KCND3: variants seen among roughly 807,000 people sequenced by gnomAD.
KCND3 encodes potassium voltage-gated channel subfamily D member 3.
Under a neutral mutation model 51.1 loss-of-function variants are expected in KCND3, and 9 were observed. The ratio of observed to expected loss-of-function variants is 0.18; its 90% confidence interval spans 0.11 to 0.31. KCND3 has a LOEUF of 0.31. KCND3 is among the 10% of genes least tolerant of loss of function. The pLI is 1.00. For synonymous variants in KCND3, 349 were observed against 368.0 expected, an observed-to-expected ratio of 0.95 and a Z score of 0.59; for missense variants, 526 against 903.8, an observed-to-expected ratio of 0.58 and a Z score of 5.36.
intron 2 of KCND3, among the ~76,000 whole-genome samples, chr1:111,933,623 C>T (rs1319724183): frequency 6.6e-6 from 1 of 152,122 alleles, no homozygotes; most frequent in African/African-American, 2.4e-5. Context: ...AGAAGCAGGA[C>T]CAAATCAAGA....
intron 2 of KCND3, among the ~76,000 whole-genome samples, chr1:111,826,600 T>C (rs968415287): frequency 6.6e-6 from 1 of 152,154 alleles, no homozygotes; most frequent in African/African-American, 2.4e-5. Flanking sequence ...TTAATGCTTA[T>C]TTGGGTCAAG....
At chr1:111,931,943 T>C (rs914386781) in intron 2 of KCND3, among the ~76,000 whole-genome samples, 2 of 152,184 alleles carry the variant, frequency 1.3e-5, no homozygotes, top group Non-Finnish European at 2.9e-5. Flanking sequence ...CTCTTACAAA[T>C]GCAAACGTAG....
intron 2 of KCND3, among the ~76,000 whole-genome samples, chr1:111,922,846 A>G (rs1262333633): frequency 6.6e-6 from 1 of 152,206 alleles, no homozygotes. Flanking sequence ...TCTGTTTTAT[A>G]TGGTAGTTGT....
intron 2 of KCND3, among the ~76,000 whole-genome samples, chr1:111,967,165 A>AC (rs1231552673): frequency 1.3e-4 from 19 of 151,776 alleles, no homozygotes; most frequent in African/African-American, 4.6e-4. Flanking sequence ...AAAAACAAAA[A>AC]AAAAAACAAA....
intron 2 of KCND3, among the ~76,000 whole-genome samples, chr1:111,878,146 G>A (rs944353347): frequency 6.6e-6 from 1 of 152,204 alleles, no homozygotes. Flanking sequence ...CTTGCCTCTG[G>A]GTTAGTGGAA....
chr1:111,817,110 T>A (rs1666128163), intron 2 of KCND3, among the ~76,000 whole-genome samples: 1 of 151,910 alleles, frequency 6.6e-6, no homozygotes, highest in African/African-American at 2.4e-5. Flanking sequence ...GTACCAAATA[T>A]GCAGTCTCGA....
At chr1:111,876,540 G>A (rs1240573658) in intron 2 of KCND3, among the ~76,000 whole-genome samples, 2 of 152,162 alleles carry the variant, frequency 1.3e-5, no homozygotes, top group Non-Finnish European at 2.9e-5. Flanking sequence ...GCCAGTGGGC[G>A]GCCAGGAATT....
chr1:111,826,969 T>C (rs1007879039), intron 2 of KCND3, among the ~76,000 whole-genome samples: 39 of 152,236 alleles, frequency 2.6e-4, no homozygotes, highest in African/African-American at 9.2e-4. Context: ...AATATTCACA[T>C]TAAACTTATG....
rs757322056 is a variant in KCND3, at chr1:111,895,427, GA to G, written c.1106+86193del. ...AAGGGGTAATAAAAATTAAATTAAAGAAATTTTTTAAAGTTGGAAGAACAAA... is the reference window on the plus strand; with the variant it reads ...AAGGGGTAATAAAAATTAAATTAAAGAATTTTTTAAAGTTGGAAGAACAAA... On this transcript the variant is annotated intron_variant, in intron 2 of 7. Transcript: ENST00000302127. 6.0e-3 allele frequency among the ~76,000 whole-genome samples: 910 copies of G among 152,324 alleles called. 7 individuals carry two copies. Among genetic ancestry groups the G allele is most frequent in the Non-Finnish European group, 0.011 (722 of 68,018 alleles).
In KCND3 at chr1:111,775,069, C is replaced by T. The variant is rs888461419; in HGVS notation, c.*1008G>A. ...ACTGCAAACACGAGTGGTTCCAACC[C>T]CAAGGGAAGTACCTCTGTTCTGTGA... is the stretch of plus-strand genomic sequence containing the variant. On this transcript the variant is annotated 3_prime_UTR_variant, in exon 8 of 8. Coordinates refer to ENST00000302127, the MANE Select transcript of KCND3 (RefSeq NM_001378969.1). 5.9e-5 allele frequency: 9 copies of T among 152,184 alleles called. No homozygotes were observed. Among genetic ancestry groups the T allele is most frequent in the African/African-American group, 2.2e-4 (9 of 41,442 alleles). 9.4% of individuals were successfully genotyped at this position (152,184 alleles called of 1,614,324 possible).
intron 2 of KCND3, among the ~76,000 whole-genome samples, chr1:111,811,905 C>T (rs961606982): frequency 1.3e-5 from 2 of 152,136 alleles, no homozygotes; most frequent in African/African-American, 4.8e-5. Context: ...CTGCCTGTTT[C>T]CTTGGCCCGG....
chr1:111,861,217 G>A (rs1028233013), intron 2 of KCND3, among the ~76,000 whole-genome samples: 2 of 152,116 alleles, frequency 1.3e-5, no homozygotes, highest in Admixed American at 6.5e-5. Context: ...ATGGGGTAGG[G>A]GCTTCCTTTA....
At chr1:111,841,150 C>G (rs894781908) in intron 2 of KCND3, among the ~76,000 whole-genome samples, 6 of 152,218 alleles carry the variant, frequency 3.9e-5, no homozygotes, top group Non-Finnish European at 8.8e-5. Flanking sequence ...GTCAGAGGCC[C>G]TATCACAATT....
At chr1:111,806,998 G>A (rs543888507) in intron 2 of KCND3, among the ~76,000 whole-genome samples, 2 of 152,320 alleles carry the variant, frequency 1.3e-5, no homozygotes, top group East Asian at 3.9e-4. Context: ...GGGTTAAGGA[G>A]GTCCTGGACT....
At position 111,806,009 on chromosome 1, in the gene KCND3, T is replaced by A. The variant is rs190951918; in HGVS notation, c.1107-18903A>T. On this transcript the variant is annotated intron_variant, in intron 2 of 7. Transcript: ENST00000302127. Reference sequence around the variant, plus strand: ...TCCCCTCAGGCCAAATCCGAAATCCTGTCTGGCCTTCCCCAGGGGCCTTTT... The same window carrying A: ...TCCCCTCAGGCCAAATCCGAAATCCAGTCTGGCCTTCCCCAGGGGCCTTTT... Among the ~76,000 whole-genome samples the A allele has an allele frequency of 1.3e-3, 193 of 152,318 alleles. 3 individuals carry two copies. Among genetic ancestry groups the A allele is most frequent in the Non-Finnish European group, 1.4e-3 (98 of 68,004 alleles).
Position 111,919,639 on chromosome 1 carries a change from TC to T in KCND3, c.1106+61981del, listed in dbSNP as rs1269678893. 2.0e-5 allele frequency among the ~76,000 whole-genome samples: 3 copies of T among 152,120 alleles called. No individual in the cohort carries two copies. In the East Asian group the frequency reaches 5.8e-4, roughly 29 times the overall value. On this transcript the variant is annotated intron_variant, in intron 2 of 7. Transcript: ENST00000302127. ...CTCAATTTGTCCCTTACCAAAGTGG[TC>T]CCCAATTCAGATTGAATGATGTCCC...
At chr1:111,817,454 A>G (rs544819013) in intron 2 of KCND3, among the ~76,000 whole-genome samples, 1 of 152,340 alleles carries the variant, frequency 6.6e-6, no homozygotes, top group East Asian at 1.9e-4. Flanking sequence ...AATGTTTAAC[A>G]TAGCATTGTT....
At chr1:111,866,045 T>C (rs952149651) in intron 2 of KCND3, among the ~76,000 whole-genome samples, 5 of 152,114 alleles carry the variant, frequency 3.3e-5, no homozygotes, top group African/African-American at 1.2e-4. Context: ...ATTTTTCTTT[T>C]TGGGGGCGCA....
chr1:111,826,919 A>G (rs945819391), intron 2 of KCND3, among the ~76,000 whole-genome samples: 3 of 152,298 alleles, frequency 2.0e-5, no homozygotes, highest in Non-Finnish European at 2.9e-5. Context: ...AAGGCTTGGG[A>G]CCAGAAGTGT....
Sources: gnomAD v4.1 joint callset for allele counts (sites outside exome capture counted in the v4.1 genomes callset) on GRCh38, gnomAD v4.1.1 for gene constraint, MANE v1.5 for transcripts, NCBI Gene and HGNC (gene_info 2026-07-23, HGNC 2026-07-21) for gene names.